PKP1: variants seen among roughly 807,000 people sequenced by gnomAD.
PKP1 encodes the protein plakophilin-1.
A neutral mutation model predicts 76.4 loss-of-function variants in PKP1; 27 were observed. The ratio of observed to expected loss-of-function variants is 0.35; its 90% CI spans 0.26 to 0.49. The LOEUF (loss-of-function observed/expected upper bound fraction) is 0.49. Ranked by LOEUF, PKP1 falls within the 20% of genes least tolerant of loss-of-function variation. The pLI is 0.99. For missense variants in PKP1, 964 were observed against 955.2 expected, an observed-to-expected ratio of 1.01 and a Z score of -0.12; for synonymous variants, 404 against 384.2, an observed-to-expected ratio of 1.05 and a Z score of -0.60.
intron 6 of PKP1, 26 bp from the exon 7 acceptor site, chr1:201,320,241 C>T: frequency 2.7e-6 from 4 of 1,481,768 alleles, no homozygotes; most frequent in South Asian, 1.1e-5. Flanking sequence ...TTTCTCTGCC[C>T]TCTTCCACCC....
At chr1:201,308,791 G>A (rs904615828) in intron 2 of PKP1, among the ~76,000 whole-genome samples, 3 of 152,210 alleles carry the variant, frequency 2.0e-5, no homozygotes, top group South Asian at 4.2e-4. Context: ...TCTCCAGCAC[G>A]GCAAGAGCTG....
chr1:201,319,730 T>A, intron 6 of PKP1: 1 of 1,343,416 alleles, frequency 7.4e-7, no homozygotes, highest in East Asian at 2.3e-5. Flanking sequence ...ACAGCTTGGG[T>A]GGAGAGGGAG....
intron 3 of PKP1, among the ~76,000 whole-genome samples, chr1:201,314,280 A>T (rs1490037984): frequency 6.6e-6 from 1 of 152,128 alleles, no homozygotes; most frequent in Non-Finnish European, 1.5e-5. Context: ...GAACAACATG[A>T]TGAAACCTTG....
chr1:201,316,887 G>C (rs1656768687), intron 4 of PKP1, among the ~76,000 whole-genome samples, 190 bp downstream of exon 4: 1 of 152,228 alleles, frequency 6.6e-6, no homozygotes, highest in Non-Finnish European at 1.5e-5. Flanking sequence ...AAAGCCCTCT[G>C]TTTAAGTGGA....
intron 1 of PKP1, 47 bp downstream of exon 1, chr1:201,283,951 C>A (rs1050240655): frequency 6.4e-7 from 1 of 1,553,750 alleles, no homozygotes; most frequent in African/African-American, 1.4e-5. Flanking sequence ...TTCCAGAGCA[C>A]CCTGGCCCAG....
Position 201,331,018 on chromosome 1 carries a change from A to G in PKP1, c.*977A>G, listed in dbSNP as rs889463649. ...CTCTTTCCCAAGAGCTGTTCTGGGA[A>G]TGGCTGGTCTTCATATTCCCAGTGG... On this transcript the variant is annotated 3_prime_UTR_variant, in exon 14 of 14. Coordinates refer to ENST00000367324, the MANE Select transcript of PKP1 (RefSeq NM_001005337.3). 1 of 152,172 alleles carries G rather than the reference A, an allele frequency of 6.6e-6. No individual in the cohort carries two copies. Among genetic ancestry groups the G allele is most frequent in the African/African-American group, 2.4e-5 (1 of 41,438 alleles). 9.4% of individuals were successfully genotyped at this position (152,172 alleles called of 1,614,324 possible).
chr1:201,311,852 C>T (rs1656563194), intron 2 of PKP1, among the ~76,000 whole-genome samples: 1 of 152,226 alleles, frequency 6.6e-6, no homozygotes. Flanking sequence ...CAAGTTGGAG[C>T]AGGCCAGACC....
chr1:201,283,983 C>A (rs1256591557), intron 1 of PKP1, 79 bp downstream of exon 1: 6 of 1,324,478 alleles, frequency 4.5e-6, no homozygotes, highest in Non-Finnish European at 6.5e-6. Context: ...AAGAGACGCA[C>A]GCATCCCCGG....
At position 201,316,631 on chromosome 1, in the gene PKP1, G is replaced by A. The variant is rs1779297; in HGVS notation, c.780G>A (p.Lys260=). 11,125 of 1,613,590 alleles carry A rather than the reference G, an allele frequency of 6.9e-3. 407 individuals are homozygous for A. In the African/African-American group the frequency reaches 0.098, roughly 14 times the overall value. ...AGTACCTGAGCTCCCAGGATGAGAA[G>A]TACCAGGCCATTGGGGCCTATTACA... The part of the protein sequence containing the change: ...AVQYLSSQDE[K]YQAIGAYYIQ... The change falls in exon 4 of 14, where the codon AAG becomes AAA. Residue 260 remains lysine (K), a synonymous_variant. Transcript: ENST00000367324.
At position 201,287,924 on chromosome 1, in the gene PKP1, C is replaced by T. The variant is rs143802397; in HGVS notation, c.202+4020C>T. On this transcript the variant is annotated intron_variant, in intron 1 of 13. Coordinates refer to ENST00000367324, the MANE Select transcript of PKP1 (RefSeq NM_001005337.3). The stretch of plus-strand genomic sequence containing the variant: ...TCATGTGAAGTTCCTTCTAGGCATA[C>T]GCTGGACACATGCGCACACATGTAT... Among the ~76,000 whole-genome samples the T allele has an allele frequency of 1.4e-4, 22 of 152,350 alleles. 1 individual carries two copies. The East Asian group carries it at 3.1e-3, about 21-fold the overall frequency.
chr1:201,323,212 T>C (rs1198778255), intron 9 of PKP1, 23 bp downstream of exon 9: 7 of 1,608,534 alleles, frequency 4.4e-6, no homozygotes, highest in Non-Finnish European at 6.0e-6. Context: ...GTACCTTCTC[T>C]ACTGCAGCAG....
At chr1:201,328,537 C>G in intron 12 of PKP1, 1 of 598,488 alleles carries the variant, frequency 1.7e-6, no homozygotes, top group Non-Finnish European at 3.0e-6. Flanking sequence ...GTAGGAAATT[C>G]ACATGTGTCA....
At chr1:201,319,337 G>A (rs917739758) in intron 6 of PKP1, among the ~76,000 whole-genome samples, 1 of 151,052 alleles carries the variant, frequency 6.6e-6, no homozygotes, top group South Asian at 2.1e-4. Flanking sequence ...ACAAGCTGGC[G>A]AAATGGGTGG....
chr1:201,325,235 G>A (rs1484944086), intron 11 of PKP1, 108 bp downstream of exon 11: 1 of 1,178,840 alleles, frequency 8.5e-7, no homozygotes, highest in African/African-American at 1.5e-5. Context: ...GAAGCACCAA[G>A]GGCAGGGGGA....
chr1:201,299,128 C>T (rs544630179), intron 2 of PKP1, among the ~76,000 whole-genome samples: 1 of 152,322 alleles, frequency 6.6e-6, no homozygotes, highest in South Asian at 2.1e-4. Flanking sequence ...AACAGACTGT[C>T]CTTACCAATC....
chr1:201,323,248 CTCTG>C, intron 9 of PKP1, 59 bp downstream of exon 9: 6 of 1,511,582 alleles, frequency 4.0e-6, no homozygotes, highest in Non-Finnish European at 5.5e-6. Context: ...ACCGTCCAGC[CTCTG>C]CTCCCTCCTT....
chr1:201,300,173 GAAAA>G lies in PKP1; in HGVS notation c.306+6129_306+6132del, dbSNP rs1342905875. On this transcript the variant is annotated intron_variant, in intron 2 of 13. Coordinates refer to ENST00000367324, the MANE Select transcript of PKP1 (RefSeq NM_001005337.3). ...CAAGGGACAGAATGTGCCTCTGAGA[GAAAA>G]TGGAGGCAAGTGAGCGGGAGCGGGC... Among the ~76,000 whole-genome samples the G allele has an allele frequency of 2.0e-5, 3 of 152,384 alleles. No homozygotes were observed. In the South Asian group the frequency reaches 6.2e-4, roughly 32 times the overall value.
chr1:201,318,570 G>C, intron 5 of PKP1, 48 bp from the exon 6 acceptor site: 1 of 1,570,590 alleles, frequency 6.4e-7, no homozygotes, highest in Non-Finnish European at 8.8e-7. Context: ...CGGTCCCTAG[G>C]GCATCCTGAG....
chr1:201,325,017 G>C lies in PKP1; in HGVS notation c.1911G>C (p.Leu637Phe). The change falls in exon 11 of 14, where the codon TTG becomes TTC. Residue 637 changes from leucine (L) to phenylalanine (F), a missense_variant. Transcript: ENST00000367324. ...TGNTSNSEDILSSACYTVRNL... is the reference protein window; with the variant it reads ...TGNTSNSEDIFSSACYTVRNL... ...ATACCAGCAACTCCGAAGACATCTT[G>C]TCCTCGGCCTGCTACACTGTGAGGA... is the stretch of plus-strand genomic sequence containing the variant. 15 of 1,613,912 alleles carry C rather than the reference G, an allele frequency of 9.3e-6. No homozygotes were observed. Among genetic ancestry groups the C allele is most frequent in the Non-Finnish European group, 1.3e-5 (15 of 1,180,026 alleles).
Sources: allele counts gnomAD v4.1 joint callset (sites outside exome capture counted in the v4.1 genomes callset), GRCh38; gene constraint gnomAD v4.1.1; transcripts MANE v1.5; gene names NCBI Gene and HGNC (gene_info 2026-07-23, HGNC 2026-07-21).